The following DNAJC1 variants were observed in gnomAD, a reference collection of about 807,000 sequenced individuals.
The protein encoded by DNAJC1 is dnaJ homolog subfamily C member 1.
A neutral mutation model predicts 76.6 loss-of-function variants in DNAJC1; 58 were observed. The observed-to-expected ratio is 0.76, with a 90% CI of 0.61 to 0.94. The LOEUF (loss-of-function observed/expected upper bound fraction) is 0.94, where lower values mean the gene tolerates loss of function less well. Ranked by LOEUF, DNAJC1 falls within the 40% of genes least tolerant of loss-of-function variation. The pLI is 0.00. For synonymous variants in DNAJC1, 258 were observed against 267.9 expected, an observed-to-expected ratio of 0.96 and a Z score of 0.36; for missense variants, 689 against 677.3, an observed-to-expected ratio of 1.02 and a Z score of -0.19.
chr10:21,789,638 A>C (rs963279798), intron 9 of DNAJC1, among the ~76,000 whole-genome samples: 1 of 152,204 alleles, frequency 6.6e-6, no homozygotes, highest in Non-Finnish European at 1.5e-5. Flanking sequence ...TCATGATATA[A>C]ATTAGAAATT....
intron 1 of DNAJC1, among the ~76,000 whole-genome samples, chr10:21,933,884 AAAAGT>A (rs1184044928): frequency 6.6e-6 from 1 of 152,194 alleles, no homozygotes; most frequent in Non-Finnish European, 1.5e-5. Flanking sequence ...CCAGCTGTAT[AAAAGT>A]ATAGTACATA....
At chr10:21,898,758 C>A (rs1052986704) in intron 7 of DNAJC1, among the ~76,000 whole-genome samples, 2 of 150,504 alleles carry the variant, frequency 1.3e-5, no homozygotes, top group South Asian at 4.2e-4. Context: ...TAGTACATGA[C>A]GAGGTTTTGC....
chr10:21,972,452 C>A (rs1000221248), intron 1 of DNAJC1, among the ~76,000 whole-genome samples: 2 of 151,796 alleles, frequency 1.3e-5, no homozygotes, highest in African/African-American at 4.8e-5. Flanking sequence ...AAAATAAATG[C>A]AACAATATAA....
rs1451926250 is a variant in DNAJC1, at chr10:21,939,788, T to A, written c.223-10647A>T. On this transcript the variant is annotated intron_variant, in intron 1 of 11. Coordinates refer to ENST00000376980, the MANE Select transcript of DNAJC1 (RefSeq NM_022365.4). ...AGTACTTGACTGTAATTCCATGTAATCTTTCTCACTAGGTCTTTGGGTCAT... is the reference window on the plus strand; with the variant it reads ...AGTACTTGACTGTAATTCCATGTAAACTTTCTCACTAGGTCTTTGGGTCAT... Among the ~76,000 whole-genome samples, 3 of 152,172 alleles carry A rather than the reference T, an allele frequency of 2.0e-5. No individual in the cohort carries two copies. The East Asian group carries it at 5.8e-4, about 29-fold the overall frequency.
chr10:21,989,403 G>T (rs1371337043), intron 1 of DNAJC1, among the ~76,000 whole-genome samples: 3 of 152,084 alleles, frequency 2.0e-5, no homozygotes, highest in Non-Finnish European at 4.4e-5. Flanking sequence ...CATCTCTGTA[G>T]ACAAAAACAA....
Position 21,855,302 on chromosome 10 carries a change from T to C in DNAJC1, c.978+26980A>G, listed in dbSNP as rs537671120. 7.4e-4 allele frequency among the ~76,000 whole-genome samples: 112 copies of C among 152,040 alleles called. 1 individual carries two copies. The highest frequency in any genetic ancestry group is 2.7e-3 in the African/African-American group (111 of 41,328). On this transcript the variant is annotated intron_variant, in intron 8 of 11. Coordinates refer to ENST00000376980, the MANE Select transcript of DNAJC1 (RefSeq NM_022365.4). ...TATTTTTAATAGTGCCATATAATAATTCATTCATTAGGGTGTCTTTTCTTT... is the reference window on the plus strand; with the variant it reads ...TATTTTTAATAGTGCCATATAATAACTCATTCATTAGGGTGTCTTTTCTTT...
intron 1 of DNAJC1, among the ~76,000 whole-genome samples, chr10:21,989,801 G>C (rs1838301192): frequency 6.6e-6 from 1 of 152,112 alleles, no homozygotes; most frequent in East Asian, 1.9e-4. Flanking sequence ...ACCTATATAA[G>C]ACCTAGTTCT....
At chr10:21,947,695 G>A (rs1837529052) in intron 1 of DNAJC1, among the ~76,000 whole-genome samples, 1 of 152,108 alleles carries the variant, frequency 6.6e-6, no homozygotes, top group Admixed American at 6.6e-5. Context: ...TTGTTCAAGA[G>A]TCTGTTATAA....
At chr10:21,863,985 T>G (rs572623350) in intron 8 of DNAJC1, among the ~76,000 whole-genome samples, 1 of 151,340 alleles carries the variant, frequency 6.6e-6, no homozygotes, top group African/African-American at 2.4e-5. Context: ...GGTGGATCAC[T>G]TGAGCCCAGG....
chr10:21,820,891 T>A (rs1209423470), intron 8 of DNAJC1, among the ~76,000 whole-genome samples: 1 of 152,180 alleles, frequency 6.6e-6, no homozygotes, highest in Non-Finnish European at 1.5e-5. Flanking sequence ...AGAGCTTCCA[T>A]ATCATTTCTG....
intron 8 of DNAJC1, among the ~76,000 whole-genome samples, chr10:21,822,450 T>C (rs1564797933): frequency 7.8e-5 from 1 of 12,840 alleles, no homozygotes; most frequent in African/African-American, 3.4e-4. Context: ...AATAAATAAA[T>C]AAATAAATAA....
chr10:21,777,650 T>C (rs1241024877), intron 9 of DNAJC1, among the ~76,000 whole-genome samples: 2 of 152,300 alleles, frequency 1.3e-5, no homozygotes, highest in East Asian at 1.9e-4. Flanking sequence ...CTGCCACATA[T>C]GCAGGGTTTG....
At chr10:21,757,130 T>C (rs1432812706) in intron 11 of DNAJC1, among the ~76,000 whole-genome samples, 1 of 152,266 alleles carries the variant, frequency 6.6e-6, no homozygotes, top group Non-Finnish European at 1.5e-5. Context: ...CCAGGTAGCC[T>C]ATTAGTCTTC....
chr10:21,868,080 A>AAACAAAAAC (rs1554892648), intron 8 of DNAJC1, among the ~76,000 whole-genome samples: 1 of 110,772 alleles, frequency 9.0e-6, no homozygotes, highest in Admixed American at 1.2e-4. Context: ...TGTCTCCAAA[A>AAACAAAAAC]AAAAAAAAAC....
chr10:21,827,535 A>C (rs986979273), intron 8 of DNAJC1, among the ~76,000 whole-genome samples: 1 of 152,242 alleles, frequency 6.6e-6, no homozygotes, highest in Middle Eastern at 3.4e-3. Flanking sequence ...TCTGAGGGAG[A>C]ATCTGTTCCA....
At chr10:21,983,922 T>A (rs1838197602) in intron 1 of DNAJC1, among the ~76,000 whole-genome samples, 1 of 152,136 alleles carries the variant, frequency 6.6e-6, no homozygotes, top group South Asian at 2.1e-4. Flanking sequence ...GTTAAAATGG[T>A]AAATTTTACA....
chr10:21,853,787 C>CAAAAAAA (rs1011936425), intron 8 of DNAJC1, among the ~76,000 whole-genome samples: 1 of 12,598 alleles, frequency 7.9e-5, no homozygotes, highest in African/African-American at 2.2e-4. Flanking sequence ...GACTCCATCT[C>CAAAAAAA]AAAAAAAAAA....
intron 8 of DNAJC1, among the ~76,000 whole-genome samples, chr10:21,839,985 A>G (rs1400130630): frequency 1.3e-5 from 2 of 152,348 alleles, no homozygotes; most frequent in East Asian, 3.9e-4. Flanking sequence ...ATATAAACAG[A>G]ACCAAAGACA....
intron 10 of DNAJC1, among the ~76,000 whole-genome samples, chr10:21,762,930 CTTTGTTTTT>C (rs1323397392): frequency 6.6e-6 from 1 of 152,108 alleles, no homozygotes; most frequent in East Asian, 1.9e-4. Context: ...CAAACATCGA[CTTTGTTTTT>C]TTTGTTTTTT....
Sources: gnomAD v4.1 joint callset for allele counts (sites outside exome capture counted in the v4.1 genomes callset) on GRCh38, gnomAD v4.1.1 for gene constraint, MANE v1.5 for transcripts, NCBI Gene and HGNC (gene_info 2026-07-23, HGNC 2026-07-21) for gene names.